The following NCAM2 variants were observed in gnomAD, a reference collection of about 807,000 sequenced individuals.
NCAM2 encodes the protein N-CAM-2.
A neutral mutation model predicts 98.1 loss-of-function variants in NCAM2; 30 were observed. The ratio of observed to expected loss-of-function variants is 0.31; its 90% confidence interval spans 0.23 to 0.41. The LOEUF is 0.41. NCAM2 is among the 10% of genes least tolerant of loss of function. The pLI, the probability that NCAM2 is intolerant of heterozygous loss-of-function variation, is 1.00. For missense variants in NCAM2, 867 were observed against 1,005.8 expected (o/e 0.86, Z 1.87); for synonymous variants, 368 against 342.4 (o/e 1.07, Z -0.83).
chr21:21,449,674 C>T (rs1356519498), intron 12 of NCAM2, among the ~76,000 whole-genome samples: 1 of 151,826 alleles, frequency 6.6e-6, no homozygotes, highest in Non-Finnish European at 1.5e-5. Flanking sequence ...AATATTTTAT[C>T]TATTATAGTA....
chr21:21,048,258 C>T (rs8128358), intron 1 of NCAM2, among the ~76,000 whole-genome samples: 141,779 of 152,216 alleles, frequency 0.93, 66,848 homozygotes, highest in East Asian at 1. Flanking sequence ...CCCAGGTCTT[C>T]AGATAAACTC....
intron 8 of NCAM2, among the ~76,000 whole-genome samples, chr21:21,351,339 A>G (rs1270017548): frequency 2.0e-5 from 3 of 152,076 alleles, no homozygotes; most frequent in Non-Finnish European, 4.4e-5. Flanking sequence ...AAATAAATCA[A>G]CAGCTTAAAC....
At chr21:21,043,204 T>G (rs956440392) in intron 1 of NCAM2, among the ~76,000 whole-genome samples, 1 of 152,140 alleles carries the variant, frequency 6.6e-6, no homozygotes, top group East Asian at 1.9e-4. Context: ...CGTGCCATTA[T>G]CAAAAACATA....
chr21:21,394,845 TG>T (rs1315730832), intron 9 of NCAM2, among the ~76,000 whole-genome samples: 1 of 152,160 alleles, frequency 6.6e-6, no homozygotes, highest in African/African-American at 2.4e-5. Context: ...CAAATTTCTG[TG>T]TCTTTAGAAA....
intron 1 of NCAM2, chr21:21,210,504 G>T (rs1384166652): frequency 7.9e-7 from 1 of 1,273,010 alleles, no homozygotes; most frequent in Non-Finnish European, 1.0e-6. Context: ...AAAACTCAAA[G>T]GGTGTAAGAG....
intron 1 of NCAM2, among the ~76,000 whole-genome samples, chr21:21,230,807 T>G (rs1161123252): frequency 1.3e-5 from 2 of 151,300 alleles, no homozygotes; most frequent in Non-Finnish European, 3.0e-5. Context: ...AAATATTGCA[T>G]AAAATATACT....
At chr21:21,439,423 C>T (rs1978911307) in intron 12 of NCAM2, among the ~76,000 whole-genome samples, 1 of 152,114 alleles carries the variant, frequency 6.6e-6, no homozygotes, top group Non-Finnish European at 1.5e-5. Context: ...GCCACTGCGC[C>T]CGGCCTTCAG....
chr21:21,372,907 T>G (rs1192287204), intron 8 of NCAM2, among the ~76,000 whole-genome samples: 2 of 151,908 alleles, frequency 1.3e-5, no homozygotes, highest in Non-Finnish European at 2.9e-5. Flanking sequence ...ATGTTTATTT[T>G]CAAGCGAAGA....
chr21:21,523,744 T>C (rs915848357), intron 16 of NCAM2, among the ~76,000 whole-genome samples: 1 of 151,898 alleles, frequency 6.6e-6, no homozygotes, highest in Admixed American at 6.6e-5. Context: ...TAAATGTATA[T>C]TGAAAATTCT....
At chr21:21,501,922 G>C (rs1987662967) in intron 15 of NCAM2, among the ~76,000 whole-genome samples, 1 of 151,964 alleles carries the variant, frequency 6.6e-6, no homozygotes, top group Non-Finnish European at 1.5e-5. Flanking sequence ...AAGTATCCCT[G>C]TGAAGTCCAA....
At chr21:21,233,226 C>A (rs961103580) in intron 1 of NCAM2, among the ~76,000 whole-genome samples, 14 of 151,478 alleles carry the variant, frequency 9.2e-5, no homozygotes, top group African/African-American at 3.1e-4. Context: ...ACATTCTTCA[C>A]AATCAGGATG....
intron 9 of NCAM2, among the ~76,000 whole-genome samples, chr21:21,382,781 C>T (rs974008744): frequency 1.8e-4 from 28 of 151,930 alleles, no homozygotes; most frequent in Admixed American, 5.2e-4. Flanking sequence ...CTGTCTGTCT[C>T]GGCCTCCCAA....
intron 6 of NCAM2, among the ~76,000 whole-genome samples, chr21:21,325,171 A>G (rs232468): frequency 0.68 from 103,986 of 152,000 alleles, 36,345 homozygotes; most frequent in Non-Finnish European, 0.78. Context: ...CCATCTTGTA[A>G]ATATGCATTA....
chr21:21,411,390 A>G (rs1049275522), intron 10 of NCAM2, among the ~76,000 whole-genome samples: 5 of 151,044 alleles, frequency 3.3e-5, no homozygotes, highest in Non-Finnish European at 5.9e-5. Flanking sequence ...GATTTTTACA[A>G]TTCTAGTGTA....
intron 1 of NCAM2, among the ~76,000 whole-genome samples, chr21:21,057,205 A>G (rs2065229112): frequency 6.6e-6 from 1 of 152,104 alleles, no homozygotes; most frequent in African/African-American, 2.4e-5. Context: ...TTAAACATTG[A>G]TGAGAATATT....
intron 8 of NCAM2, among the ~76,000 whole-genome samples, chr21:21,355,487 G>GA (rs1568971720): frequency 2.9e-3 from 1 of 342 alleles, no homozygotes; most frequent in Admixed American, 0.026. Context: ...AAAAAAAGGA[G>GA]AGAAAGAAAG....
chr21:21,403,084 C>G (rs1283384056), intron 9 of NCAM2, among the ~76,000 whole-genome samples: 1 of 152,082 alleles, frequency 6.6e-6, no homozygotes. Flanking sequence ...TACCTGTTGG[C>G]CACTTATTTA....
chr21:21,058,226 TA>T (rs58247968), intron 1 of NCAM2, among the ~76,000 whole-genome samples: 132,797 of 150,466 alleles, frequency 0.88, 59,061 homozygotes, highest in Middle Eastern at 0.96. Context: ...AAACAAGATA[TA>T]AAACAGCAGT....
chr21:21,421,142 G>T (rs180889110), intron 11 of NCAM2, among the ~76,000 whole-genome samples: 103 of 151,914 alleles, frequency 6.8e-4, no homozygotes, highest in African/African-American at 2.4e-3. Flanking sequence ...TTTTAGGAGG[G>T]TGTATTAATA....
Sources: allele counts gnomAD v4.1 joint callset (sites outside exome capture counted in the v4.1 genomes callset), GRCh38; gene constraint gnomAD v4.1.1; transcripts MANE v1.5; gene names NCBI Gene and HGNC (gene_info 2026-07-23, HGNC 2026-07-21).